CASK: variants seen among roughly 807,000 people sequenced by gnomAD.
CASK encodes the protein peripheral plasma membrane protein CASK.
A neutral mutation model predicts 82.9 loss-of-function variants in CASK; 4 were observed. The ratio of observed to expected loss-of-function variants is 0.05; its 90% CI spans 0.02 to 0.11. The LOEUF (loss-of-function observed/expected upper bound fraction) is 0.11, where lower values mean the gene tolerates loss of function less well. CASK is among the 10% of genes least tolerant of loss of function. The pLI is 1.00. For synonymous variants in CASK, 259 were observed against 253.5 expected (o/e 1.02, Z -0.20); for missense variants, 358 against 720.9 (o/e 0.50, Z 5.76).
intron 5 of CASK, among the ~76,000 whole-genome samples, chrX:41,738,026 G>T (rs1313221438): frequency 1.8e-5 from 2 of 113,390 alleles, no homozygotes; most frequent in African/African-American, 3.2e-5. Context: ...CCAGGCTGGA[G>T]TGCAGTGGCA....
intron 1 of CASK, among the ~76,000 whole-genome samples, chrX:41,862,365 A>T (rs1273566889): frequency 9.2e-6 from 1 of 108,996 alleles, no homozygotes; most frequent in Admixed American, 9.8e-5. Flanking sequence ...ACATGGTGAA[A>T]CCCTGTCTCT....
chrX:41,878,464 C>CT (rs1252209058), intron 1 of CASK, among the ~76,000 whole-genome samples: 4 of 109,677 alleles, frequency 3.6e-5, no homozygotes, highest in African/African-American at 1.3e-4. Context: ...TCTTTCCTGA[C>CT]TTTTTTTTTA....
intron 5 of CASK, among the ~76,000 whole-genome samples, chrX:41,722,186 G>A (rs963114448): frequency 8.9e-6 from 1 of 112,329 alleles, no homozygotes; most frequent in Admixed American, 9.4e-5. Flanking sequence ...GACTGACAAC[G>A]GTTTTTAAGC....
chrX:41,557,496 A>C (rs1052279993), intron 18 of CASK, among the ~76,000 whole-genome samples: 1 of 111,546 alleles, frequency 9.0e-6, no homozygotes, highest in Admixed American at 9.6e-5. Flanking sequence ...AAAGTATTTA[A>C]TAATTTTTAG....
intron 5 of CASK, among the ~76,000 whole-genome samples, chrX:41,708,138 A>T (rs2067914785): frequency 1.8e-5 from 2 of 109,229 alleles, no homozygotes; most frequent in South Asian, 7.8e-4. Flanking sequence ...AAAAAAAAAA[A>T]TTACCACTTA....
chrX:41,571,602 TTC>T (rs1351253722), intron 15 of CASK, among the ~76,000 whole-genome samples: 1 of 111,881 alleles, frequency 8.9e-6, no homozygotes, highest in African/African-American at 3.2e-5. Flanking sequence ...AAAAAGTATT[TTC>T]TGTTTTATTG....
intron 4 of CASK, among the ~76,000 whole-genome samples, chrX:41,742,710 G>A (rs992109611): frequency 1.8e-5 from 2 of 112,127 alleles, no homozygotes; most frequent in South Asian, 3.7e-4. Flanking sequence ...CAGAGAGGAC[G>A]AAGAAAGATT....
rs569962867 is a variant in CASK, at chrX:41,567,268, T to C, written c.1582+2400A>G. On this transcript the variant is annotated intron_variant, in intron 16 of 26. Coordinates refer to ENST00000378163, the MANE Select transcript of CASK (RefSeq NM_001367721.1). ...CTAATTAAACTAAAGAGCTTCTGCATGGCAAAAGAAACTACCATCAGAGTG... is the reference window on the plus strand; with the variant it reads ...CTAATTAAACTAAAGAGCTTCTGCACGGCAAAAGAAACTACCATCAGAGTG... Among the ~76,000 whole-genome samples, 4 of 111,750 alleles carry C rather than the reference T, an allele frequency of 3.6e-5. No homozygotes were observed. In the South Asian group the frequency reaches 1.1e-3, roughly 31 times the overall value.
intron 13 of CASK, chrX:41,588,087 A>G (rs2065684569): frequency 8.9e-6 from 1 of 112,228 alleles, no homozygotes; most frequent in South Asian, 3.8e-4. Flanking sequence ...GTGCTACTCA[A>G]CTACTGCCTC....
chrX:41,611,480 GGAT>G (rs1320944814), intron 11 of CASK, among the ~76,000 whole-genome samples: 5 of 111,654 alleles, frequency 4.5e-5, no homozygotes, highest in African/African-American at 6.5e-5. Flanking sequence ...ATCTAATAGA[GGAT>G]GATTACGTAG....
Position 41,542,734 on chromosome X carries a change from T to C in CASK, c.2112A>G (p.Lys704=). ...AATATTTATCTTTGTACTGCTTCTT[T>C]TTCTTGCCAAACCAAGTACAGCTGG... ...QQASCTWFGK[K]KKQYKDKYLA... The change falls in exon 22 of 27, where the codon AAA becomes AAG. Residue 704 remains lysine, a synonymous_variant. Coordinates refer to ENST00000378163, the MANE Select transcript of CASK (RefSeq NM_001367721.1). The C allele has an allele frequency of 1.7e-6, 2 of 1,210,800 alleles. No homozygotes were observed. Among genetic ancestry groups the C allele is most frequent in the Admixed American group, 2.2e-5 (1 of 46,033 alleles).
intron 2 of CASK, among the ~76,000 whole-genome samples, chrX:41,818,819 G>GA (rs766779482): frequency 9.3e-6 from 1 of 107,097 alleles, no homozygotes; most frequent in Non-Finnish European, 1.9e-5. Context: ...TATATATATG[G>GA]AAAAAAAAGA....
intron 5 of CASK, among the ~76,000 whole-genome samples, chrX:41,687,135 A>G (rs1200499484): frequency 8.9e-6 from 1 of 112,503 alleles, no homozygotes; most frequent in Admixed American, 9.4e-5. Context: ...AGGTGTAGGA[A>G]AATAATATAG....
At chrX:41,597,289 T>C (rs2065834582) in intron 12 of CASK, among the ~76,000 whole-genome samples, 1 of 112,408 alleles carries the variant, frequency 8.9e-6, no homozygotes, top group South Asian at 3.6e-4. Flanking sequence ...GTTGATAACT[T>C]TTGCAACTAT....
At chrX:41,828,920 G>C (rs755125825) in intron 2 of CASK, among the ~76,000 whole-genome samples, 2 of 112,094 alleles carry the variant, frequency 1.8e-5, no homozygotes, top group Non-Finnish European at 1.9e-5. Context: ...TGGATTATTA[G>C]ATTTAAAGAT....
At chrX:41,751,250 T>C (rs2068782617) in intron 3 of CASK, among the ~76,000 whole-genome samples, 1 of 110,397 alleles carries the variant, frequency 9.1e-6, no homozygotes, top group African/African-American at 3.3e-5. Context: ...ACCTGGCTAA[T>C]TTTTTTATTT....
chrX:41,792,271 C>T (rs773150233), intron 2 of CASK, among the ~76,000 whole-genome samples: 1 of 107,557 alleles, frequency 9.3e-6, no homozygotes, highest in Non-Finnish European at 1.9e-5. Context: ...TTCGTTTGCT[C>T]GAGAGCATTC....
intron 2 of CASK, among the ~76,000 whole-genome samples, chrX:41,796,039 T>G (rs935767644): frequency 8.9e-6 from 1 of 111,897 alleles, no homozygotes; most frequent in African/African-American, 3.2e-5. Context: ...TCCTGGGTTC[T>G]GAGAACCCAC....
chrX:41,802,537 C>T (rs1335832075), intron 2 of CASK, among the ~76,000 whole-genome samples: 7 of 111,714 alleles, frequency 6.3e-5, no homozygotes, highest in Admixed American at 9.5e-5. Context: ...AATGAGTTTC[C>T]AGATTTAAAA....
Sources: gnomAD v4.1 joint callset for allele counts (sites outside exome capture counted in the v4.1 genomes callset) on GRCh38, gnomAD v4.1.1 for gene constraint, MANE v1.5 for transcripts, NCBI Gene and HGNC (gene_info 2026-07-23, HGNC 2026-07-21) for gene names.